USO1: variants seen among roughly 807,000 people sequenced by gnomAD.
USO1 encodes the protein USO1 vesicle transport factor, also known as general vesicular transport factor p115.
In USO1, 57 loss-of-function variants were observed where a neutral mutation model predicts 124.5. The ratio of observed to expected loss-of-function variants is 0.46; its 90% CI spans 0.37 to 0.57. The LOEUF is 0.57. Ranked by LOEUF, USO1 falls within the 20% of genes least tolerant of loss-of-function variation. The pLI is 0.00. For synonymous variants in USO1, 369 were observed against 362.8 expected (o/e 1.02, Z -0.19); for missense variants, 900 against 1,040.6 (o/e 0.86, Z 1.86).
intron 1 of USO1, among the ~76,000 whole-genome samples, chr4:75,733,394 C>G (rs1012706501): frequency 2.0e-5 from 3 of 152,362 alleles, no homozygotes; most frequent in East Asian, 3.8e-4. Flanking sequence ...CCCAACTGCT[C>G]TCTACAGTGA....
chr4:75,757,457 T>C (rs761247475), intron 3 of USO1, 40 bp from the exon 4 acceptor site: 43 of 1,416,046 alleles, frequency 3.0e-5, no homozygotes, highest in Non-Finnish European at 4.0e-5. Flanking sequence ...GTTTATACTC[T>C]CATCAGCAGT....
intron 1 of USO1, among the ~76,000 whole-genome samples, chr4:75,740,964 T>C (rs1720942862): frequency 3.9e-5 from 6 of 152,198 alleles, no homozygotes; most frequent in Admixed American, 3.9e-4. Flanking sequence ...ATGAGTTTCT[T>C]TATAAAAATC....
intron 13 of USO1, among the ~76,000 whole-genome samples, chr4:75,799,254 A>C (rs1027961601): frequency 6.6e-6 from 1 of 152,068 alleles, no homozygotes; most frequent in African/African-American, 2.4e-5. Flanking sequence ...TGTGACTGAA[A>C]TATCATAAAT....
In USO1 at chr4:75,806,666, C is replaced by T. The variant is rs10012323; in HGVS notation, c.2376+94C>T. The T allele has an allele frequency of 7.9e-5, 113 of 1,432,416 alleles. No individual in the cohort carries two copies. In the African/African-American group the frequency reaches 1.6e-3, roughly 20 times the overall value. 88.7% of individuals were successfully genotyped at this position (1,432,416 alleles called of 1,614,324 possible). On this transcript the variant is annotated intron_variant, in intron 20 of 23. Coordinates refer to ENST00000514213, the MANE Select transcript of USO1 (RefSeq NM_003715.4). Reference sequence around the variant, plus strand: ...TTTCACAAATCTAGAACTATATTAGCAGATGTAAGTAAAATTTAAGTTAAG... The same window carrying T: ...TTTCACAAATCTAGAACTATATTAGTAGATGTAAGTAAAATTTAAGTTAAG...
chr4:75,802,189 T>G (rs1722870350), intron 17 of USO1, among the ~76,000 whole-genome samples: 1 of 152,238 alleles, frequency 6.6e-6, no homozygotes, highest in Non-Finnish European at 1.5e-5. Context: ...TCTAAGCTTT[T>G]CAGTTTAAAA....
intron 8 of USO1, among the ~76,000 whole-genome samples, chr4:75,780,282 T>G (rs1439753521): frequency 6.6e-6 from 1 of 152,162 alleles, no homozygotes; most frequent in Non-Finnish European, 1.5e-5. Context: ...TTTCTTTTTT[T>G]TTGAGATGGA....
chr4:75,801,305 C>A, intron 17 of USO1, 105 bp downstream of exon 17: 2 of 1,303,834 alleles, frequency 1.5e-6, no homozygotes, highest in South Asian at 4.6e-5. Context: ...ATATAGAAAG[C>A]AAAACCCATC....
intron 3 of USO1, among the ~76,000 whole-genome samples, chr4:75,754,832 G>T (rs76124713): frequency 0.051 from 7,690 of 152,154 alleles, 683 homozygotes; most frequent in African/African-American, 0.18. Flanking sequence ...GTTATCTTTG[G>T]CCGTGTAACA....
chr4:75,785,721 A>G (rs2149177569), intron 9 of USO1, among the ~76,000 whole-genome samples: 1 of 152,252 alleles, frequency 6.6e-6, no homozygotes, highest in African/African-American at 2.4e-5. Flanking sequence ...GATAGTAGAA[A>G]ATTACTGTTG....
At chr4:75,769,395 CTCT>C (rs1256215267) in intron 4 of USO1, among the ~76,000 whole-genome samples, 1 of 152,138 alleles carries the variant, frequency 6.6e-6, no homozygotes, top group African/African-American at 2.4e-5. Flanking sequence ...TACTTTTGGT[CTCT>C]TCTTTTTCCT....
chr4:75,746,637 T>G (rs1721134677), intron 1 of USO1, among the ~76,000 whole-genome samples: 1 of 152,236 alleles, frequency 6.6e-6, no homozygotes, highest in Non-Finnish European at 1.5e-5. Flanking sequence ...TTCAGTTGTC[T>G]GTAAATAGCA....
intron 13 of USO1, among the ~76,000 whole-genome samples, chr4:75,798,666 G>C (rs1044410543): frequency 6.6e-6 from 1 of 152,134 alleles, no homozygotes; most frequent in African/African-American, 2.4e-5. Context: ...TGTGAAATTA[G>C]AATAGTCTGG....
At chr4:75,754,457 A>G (rs528397995) in intron 3 of USO1, among the ~76,000 whole-genome samples, 2 of 152,300 alleles carry the variant, frequency 1.3e-5, no homozygotes, top group African/African-American at 2.4e-5. Context: ...TCCAGATCTT[A>G]GCTACAGTTG....
chr4:75,796,542 G>A lies in USO1; in HGVS notation c.1452+2641G>A, dbSNP rs919700597. On this transcript the variant is annotated intron_variant, in intron 13 of 23. Transcript: ENST00000514213. ...GTAGAGACAGGGTTTCATCATGTTGGCCAGGCTGGTCTCGAACTCCTGATG... is the reference window on the plus strand; with the variant it reads ...GTAGAGACAGGGTTTCATCATGTTGACCAGGCTGGTCTCGAACTCCTGATG... 5.3e-5 allele frequency among the ~76,000 whole-genome samples: 8 copies of A among 151,406 alleles called. 1 individual carries two copies. Among genetic ancestry groups the A allele is most frequent in the African/African-American group, 1.9e-4 (8 of 41,234 alleles).
chr4:75,798,175 A>G (rs1391855863), intron 13 of USO1, among the ~76,000 whole-genome samples: 1 of 151,698 alleles, frequency 6.6e-6, no homozygotes, highest in Non-Finnish European at 1.5e-5. Context: ...TGCTCTTCTT[A>G]TCCTTCAATT....
At chr4:75,749,773 G>A (rs1255792456) in intron 1 of USO1, among the ~76,000 whole-genome samples, 2 of 146,444 alleles carry the variant, frequency 1.4e-5, no homozygotes, top group African/African-American at 5.0e-5. Context: ...TTTCTCCCGA[G>A]ACGGAGTCTT....
At position 75,769,390 on chromosome 4, in the gene USO1, T is replaced by C. The variant is rs1484623936; in HGVS notation, c.296-1049T>C. On this transcript the variant is annotated intron_variant, in intron 4 of 23. Transcript: ENST00000514213. ...ACTGGAAAACATTTCATTTCTACTT[T>C]TGGTCTCTTCTTTTTCCTCTATAAA... is the stretch of plus-strand genomic sequence containing the variant. Among the ~76,000 whole-genome samples, 3 of 152,212 alleles carry C rather than the reference T, an allele frequency of 2.0e-5. No homozygotes were observed. The East Asian group carries it at 5.8e-4, about 29-fold the overall frequency.
At chr4:75,750,023 G>A (rs1302207261) in intron 1 of USO1, among the ~76,000 whole-genome samples, 1 of 152,170 alleles carries the variant, frequency 6.6e-6, no homozygotes, top group East Asian at 1.9e-4. Context: ...AAAGTGCTAG[G>A]ATTATAGGCG....
At chr4:75,724,978 C>T (rs1351118033) in intron 1 of USO1, 93 bp downstream of exon 1, 4 of 1,402,050 alleles carry the variant, frequency 2.9e-6, no homozygotes, top group African/African-American at 1.4e-5. Flanking sequence ...TCCAGCGTCC[C>T]ACCATGGAGG....
Sources: allele counts gnomAD v4.1 joint callset (sites outside exome capture counted in the v4.1 genomes callset), GRCh38; gene constraint gnomAD v4.1.1; transcripts MANE v1.5; gene names NCBI Gene and HGNC (gene_info 2026-07-23, HGNC 2026-07-21).